Variants in HECW2 observed in about 807,000 individuals in gnomAD.
The protein encoded by HECW2 is E3 ubiquitin-protein ligase HECW2.
A neutral mutation model predicts 175.2 loss-of-function variants in HECW2; 61 were observed. The observed-to-expected ratio is 0.35, with a 90% CI of 0.28 to 0.43. The LOEUF (loss-of-function observed/expected upper bound fraction) is 0.43, where lower values mean the gene tolerates loss of function less well. Among genes scored for constraint, HECW2 ranks in the 20% least tolerant of loss-of-function variants. The pLI, the probability that HECW2 is intolerant of heterozygous loss-of-function variation, is 1.00. For synonymous variants in HECW2, 671 were observed against 731.0 expected (o/e 0.92, Z 1.32); for missense variants, 1,524 against 2,000.5 (o/e 0.76, Z 4.54).
In HECW2 at chr2:196,207,379, A is replaced by C. The variant is rs74739631; in HGVS notation, c.4608-5991T>G. 8.7e-3 allele frequency among the ~76,000 whole-genome samples: 1,317 copies of C among 151,224 alleles called. 28 individuals are homozygous for C. The highest frequency in any genetic ancestry group is 0.03 in the African/African-American group (1,257 of 41,560). On this transcript the variant is annotated intron_variant, in intron 28 of 28. Transcript: ENST00000644978. ...TAGCCTGGGTAGCTTTATTAACACAACTAATGGTAAAACTTGTTAGAATTT... is the reference window on the plus strand; with the variant it reads ...TAGCCTGGGTAGCTTTATTAACACACCTAATGGTAAAACTTGTTAGAATTT...
intron 10 of HECW2, among the ~76,000 whole-genome samples, chr2:196,309,623 T>C (rs534445692): frequency 8.1e-5 from 12 of 148,568 alleles, no homozygotes; most frequent in Middle Eastern, 3.4e-3. Flanking sequence ...AATTACCCCA[T>C]CTCATTCCTT....
intron 28 of HECW2, among the ~76,000 whole-genome samples, chr2:196,202,653 T>C (rs1686904272): frequency 6.6e-6 from 1 of 152,168 alleles, no homozygotes; most frequent in Admixed American, 6.5e-5. Context: ...TTGCCTTCAG[T>C]GAATTGCCAC....
intron 13 of HECW2, among the ~76,000 whole-genome samples, chr2:196,297,012 AT>A (rs1690841657): frequency 6.6e-6 from 1 of 152,178 alleles, no homozygotes; most frequent in Admixed American, 6.5e-5. Context: ...TGAATCTGAT[AT>A]TTTACTTGAA....
intron 2 of HECW2, among the ~76,000 whole-genome samples, chr2:196,426,882 A>G (rs1695563448): frequency 6.6e-6 from 1 of 152,268 alleles, no homozygotes; most frequent in Non-Finnish European, 1.5e-5. Flanking sequence ...TACTATTGCA[A>G]TCTTACTTTA....
chr2:196,436,417 A>C (rs1212797241), intron 1 of HECW2, among the ~76,000 whole-genome samples: 2 of 151,368 alleles, frequency 1.3e-5, no homozygotes, highest in East Asian at 3.9e-4. Context: ...AAAAAAAAAA[A>C]AAAAGTTGAA....
chr2:196,296,665 T>G (rs1575376571), intron 13 of HECW2, among the ~76,000 whole-genome samples: 1 of 152,022 alleles, frequency 6.6e-6, no homozygotes, highest in African/African-American at 2.4e-5. Context: ...TTCAAAAGGA[T>G]GAAGAAGGAG....
chr2:196,281,193 T>G (rs1690169776), intron 14 of HECW2, among the ~76,000 whole-genome samples: 1 of 152,178 alleles, frequency 6.6e-6, no homozygotes, highest in South Asian at 2.1e-4. Context: ...CTTGCAGTAG[T>G]GACTGTATCT....
intron 1 of HECW2, among the ~76,000 whole-genome samples, chr2:196,479,962 TGC>T (rs1024390684): frequency 3.3e-5 from 5 of 152,214 alleles, no homozygotes; most frequent in Non-Finnish European, 7.3e-5. Flanking sequence ...GACTCTCTAT[TGC>T]CTAGTAAATT....
intron 1 of HECW2, among the ~76,000 whole-genome samples, chr2:196,485,431 C>T (rs1686969182): frequency 6.6e-6 from 1 of 152,150 alleles, no homozygotes; most frequent in South Asian, 2.1e-4. Context: ...GCTGGACGAC[C>T]AAGATCAAGG....
chr2:196,543,080 C>T (rs1689284521), intron 1 of HECW2, among the ~76,000 whole-genome samples: 1 of 150,474 alleles, frequency 6.6e-6, no homozygotes, highest in Non-Finnish European at 1.5e-5. Context: ...TTAGCAGTTG[C>T]TATCACTGGG....
chr2:196,316,901 T>C, intron 10 of HECW2: 1 of 193,492 alleles, frequency 5.2e-6, no homozygotes, highest in Non-Finnish European at 1.1e-5. Flanking sequence ...GTATATTACA[T>C]AGAGTGAGGT....
intron 1 of HECW2, among the ~76,000 whole-genome samples, chr2:196,512,020 C>T (rs1687968389): frequency 1.3e-5 from 2 of 152,222 alleles, no homozygotes; most frequent in South Asian, 2.1e-4. Context: ...TTTTAACACA[C>T]TACTCTATGC....
chr2:196,469,133 G>GTA (rs1697091606), intron 1 of HECW2, among the ~76,000 whole-genome samples: 1 of 137,818 alleles, frequency 7.3e-6, no homozygotes, highest in Admixed American at 7.0e-5. Context: ...GTGTGTGTGT[G>GTA]TGTGTGTGTG....
At chr2:196,500,203 C>A (rs963065154) in intron 1 of HECW2, among the ~76,000 whole-genome samples, 1 of 152,164 alleles carries the variant, frequency 6.6e-6, no homozygotes, top group Non-Finnish European at 1.5e-5. Context: ...AAATGCTCTA[C>A]ACAACTCTAG....
chr2:196,528,550 A>C (rs1688745089), intron 1 of HECW2, among the ~76,000 whole-genome samples: 1 of 152,212 alleles, frequency 6.6e-6, no homozygotes, highest in South Asian at 2.1e-4. Context: ...GGTATCCTGG[A>C]ATTATAATCC....
intron 1 of HECW2, among the ~76,000 whole-genome samples, chr2:196,466,760 T>G: frequency 6.6e-6 from 1 of 151,990 alleles, no homozygotes; most frequent in East Asian, 1.9e-4. Context: ...GGCAGAAAAA[T>G]GGGTAAAAGC....
At chr2:196,410,706 T>C (rs779255705) in intron 2 of HECW2, among the ~76,000 whole-genome samples, 2 of 152,158 alleles carry the variant, frequency 1.3e-5, no homozygotes, top group African/African-American at 2.4e-5. Flanking sequence ...CAAAATTCAA[T>C]TGTATATCAA....
chr2:196,399,912 A>G (rs905514458), intron 2 of HECW2, among the ~76,000 whole-genome samples: 1 of 152,228 alleles, frequency 6.6e-6, no homozygotes, highest in Non-Finnish European at 1.5e-5. Flanking sequence ...CAGTATTAGT[A>G]TAAGAAAGGG....
chr2:196,369,839 A>C (rs1010243305), intron 2 of HECW2, among the ~76,000 whole-genome samples: 2 of 151,696 alleles, frequency 1.3e-5, no homozygotes, highest in African/African-American at 4.8e-5. Flanking sequence ...CCTGGCTACT[A>C]CTGATATTCA....
Sources: allele counts gnomAD v4.1 joint callset (sites outside exome capture counted in the v4.1 genomes callset), GRCh38; gene constraint gnomAD v4.1.1; transcripts MANE v1.5; gene names NCBI Gene and HGNC (gene_info 2026-07-23, HGNC 2026-07-21).